Variants in CFDP1 observed in about 807,000 individuals in gnomAD.
CFDP1 encodes the protein heterochromatin-stabilizing protein CFDP1.
In CFDP1, 31 loss-of-function variants were observed where a neutral mutation model predicts 40.1. That is an observed-to-expected ratio of 0.77 (90% CI 0.58 to 1.04). The LOEUF (loss-of-function observed/expected upper bound fraction) is 1.04. Among genes scored for constraint, CFDP1 ranks in the 50% least tolerant of loss-of-function variants. CFDP1 has a pLI of 0.00. For missense variants in CFDP1, 423 were observed against 343.4 expected, an observed-to-expected ratio of 1.23 and a Z score of -1.83; for synonymous variants, 167 against 120.0, an observed-to-expected ratio of 1.39 and a Z score of -2.56.
chr16:75,397,117 T>C (rs984176349), intron 4 of CFDP1, among the ~76,000 whole-genome samples: 8 of 151,802 alleles, frequency 5.3e-5, no homozygotes, highest in African/African-American at 1.7e-4. Context: ...GGTTTCACCG[T>C]GTTAGCCAGG....
At chr16:75,303,119 G>A (rs1451254216) in intron 6 of CFDP1, among the ~76,000 whole-genome samples, 1 of 148,972 alleles carries the variant, frequency 6.7e-6, no homozygotes, top group Non-Finnish European at 1.5e-5. Flanking sequence ...AGAATCGCTT[G>A]AACCCGGCAG....
intron 5 of CFDP1, among the ~76,000 whole-genome samples, chr16:75,350,811 A>T (rs959827805): frequency 6.6e-6 from 1 of 152,198 alleles, no homozygotes; most frequent in Non-Finnish European, 1.5e-5. Flanking sequence ...TATATGGTCT[A>T]TTACCGTTAA....
At chr16:75,403,684 C>T (rs140201315) in intron 4 of CFDP1, among the ~76,000 whole-genome samples, 1 of 152,306 alleles carries the variant, frequency 6.6e-6, no homozygotes, top group African/African-American at 2.4e-5. Context: ...CCTAACGGTA[C>T]ATTAACATAC....
At chr16:75,316,963 A>G (rs1166161846) in intron 5 of CFDP1, among the ~76,000 whole-genome samples, 1 of 152,184 alleles carries the variant, frequency 6.6e-6, no homozygotes, top group Admixed American at 6.5e-5. Flanking sequence ...CCTGGGCGAC[A>G]AGAGTGAAAA....
chr16:75,370,446 T>C (rs946475810), intron 5 of CFDP1, among the ~76,000 whole-genome samples: 1 of 152,172 alleles, frequency 6.6e-6, no homozygotes, highest in African/African-American at 2.4e-5. Context: ...TTAGGAGATA[T>C]ACCTAATGTA....
intron 5 of CFDP1, among the ~76,000 whole-genome samples, chr16:75,355,600 C>T (rs2151528710): frequency 6.6e-6 from 1 of 152,246 alleles, no homozygotes; most frequent in South Asian, 2.1e-4. Flanking sequence ...CTCTGTATCC[C>T]CATCTAAATC....
chr16:75,327,918 T>TG (rs1482134390), intron 5 of CFDP1, among the ~76,000 whole-genome samples: 1 of 151,934 alleles, frequency 6.6e-6, no homozygotes. Context: ...TTAGTAGAGA[T>TG]GGGGCGTCAC....
At chr16:75,350,187 A>T (rs775674360) in intron 5 of CFDP1, among the ~76,000 whole-genome samples, 1 of 152,184 alleles carries the variant, frequency 6.6e-6, no homozygotes, top group Non-Finnish European at 1.5e-5. Flanking sequence ...TTGGATGAAT[A>T]ATGCTGCTAT....
At chr16:75,304,398 A>G (rs183919421) in intron 6 of CFDP1, among the ~76,000 whole-genome samples, 1 of 152,176 alleles carries the variant, frequency 6.6e-6, no homozygotes, top group Non-Finnish European at 1.5e-5. Context: ...TTGTTTAATC[A>G]CCAGTAAGAC....
Position 75,394,900 on chromosome 16 carries a change from A to G in CFDP1, c.650+190T>C, listed in dbSNP as rs189745384. 1,668 of 647,316 alleles carry G rather than the reference A, an allele frequency of 2.6e-3. 9 individuals carry two copies. The Middle Eastern group carries it at 0.026, about 10-fold the overall frequency. The allele number at this position is 647,316 out of a possible 1,614,324, so 40.1% of individuals were successfully genotyped here. A position where few individuals can be genotyped will look rare whatever the true frequency, so the allele number is the denominator to read the frequency against. On this transcript the variant is annotated intron_variant, in intron 5 of 6. Transcript: ENST00000283882. ...GGTCACAAACTCCTGGGTTCAAGCA[A>G]TCCTCCTGAGAAAGTTATGGCTAAT... is the stretch of plus-strand genomic sequence containing the variant.
chr16:75,332,987 C>T (rs529594161), intron 5 of CFDP1, among the ~76,000 whole-genome samples: 1 of 151,236 alleles, frequency 6.6e-6, no homozygotes, highest in East Asian at 2.0e-4. Context: ...TTTGTATTTT[C>T]AGTAGAGATG....
chr16:75,343,450 G>C (rs1276130354), intron 5 of CFDP1, among the ~76,000 whole-genome samples: 1 of 152,186 alleles, frequency 6.6e-6, no homozygotes, highest in Non-Finnish European at 1.5e-5. Context: ...AAAAGGTGCA[G>C]TTAGTTCCAC....
At chr16:75,308,027 G>A (rs1403494231) in intron 5 of CFDP1, among the ~76,000 whole-genome samples, 1 of 152,156 alleles carries the variant, frequency 6.6e-6, no homozygotes, top group Non-Finnish European at 1.5e-5. Context: ...AGATGGTTCT[G>A]GGCAAGTGCA....
chr16:75,420,967 A>C (rs534982588), intron 1 of CFDP1, among the ~76,000 whole-genome samples: 46 of 152,232 alleles, frequency 3.0e-4, no homozygotes, highest in Non-Finnish European at 6.2e-4. Context: ...TGTTGTAGAC[A>C]GTTCAGACAA....
intron 5 of CFDP1, among the ~76,000 whole-genome samples, chr16:75,375,777 C>T (rs1043185468): frequency 3.9e-4 from 53 of 134,186 alleles, no homozygotes; most frequent in African/African-American, 1.4e-3. Context: ...GGCGACAGAG[C>T]GAGACTCCAT....
At chr16:75,398,859 C>G (rs2079021676) in intron 4 of CFDP1, among the ~76,000 whole-genome samples, 1 of 151,868 alleles carries the variant, frequency 6.6e-6, no homozygotes, top group African/African-American at 2.4e-5. Context: ...TTGAGACCAC[C>G]CTGGCTAACA....
At chr16:75,330,973 A>AAC (rs1405382667) in intron 5 of CFDP1, among the ~76,000 whole-genome samples, 3 of 151,234 alleles carry the variant, frequency 2.0e-5, no homozygotes, top group African/African-American at 7.3e-5. Context: ...AAAAAAAAAA[A>AAC]AAAAAAAAAA....
intron 5 of CFDP1, among the ~76,000 whole-genome samples, chr16:75,308,865 T>C (rs1336742842): frequency 6.6e-6 from 1 of 152,070 alleles, no homozygotes; most frequent in Non-Finnish European, 1.5e-5. Flanking sequence ...AGCAGTGAGG[T>C]TTCCAGAAAA....
At chr16:75,407,845 C>T (rs1028412002) in intron 4 of CFDP1, among the ~76,000 whole-genome samples, 3 of 152,080 alleles carry the variant, frequency 2.0e-5, no homozygotes, top group Non-Finnish European at 4.4e-5. Context: ...CGGTGGCTCA[C>T]ACCTGCAATC....
Sources: gnomAD v4.1 joint callset for allele counts (sites outside exome capture counted in the v4.1 genomes callset) on GRCh38, gnomAD v4.1.1 for gene constraint, MANE v1.5 for transcripts, NCBI Gene and HGNC (gene_info 2026-07-23, HGNC 2026-07-21) for gene names.